Variants in CEP97 observed in about 807,000 individuals in gnomAD.
CEP97 encodes the protein centrosomal protein of 97 kDa.
In CEP97, 43 loss-of-function variants were observed where a neutral mutation model predicts 73.1. The observed-to-expected ratio is 0.59, with a 90% CI of 0.46 to 0.76. The LOEUF (loss-of-function observed/expected upper bound fraction) is 0.76, where lower values mean the gene tolerates loss of function less well. CEP97 is among the 30% of genes least tolerant of loss of function. The pLI is 0.00. For synonymous variants in CEP97, 337 were observed against 370.0 expected, an observed-to-expected ratio of 0.91 and a Z score of 1.02; for missense variants, 939 against 1,014.0, an observed-to-expected ratio of 0.93 and a Z score of 1.00.
Position 101,731,957 on chromosome 3 carries a change from A to G in CEP97, c.561+4A>G. ...TGAAATCCGAGACTTAAATGAGGTAAAATTTGAGGGTATTTTGTGAGATTC... is the reference window on the plus strand; with the variant it reads ...TGAAATCCGAGACTTAAATGAGGTAGAATTTGAGGGTATTTTGTGAGATTC... On this transcript the variant is annotated splice_donor_region_variant and intron_variant, in intron 5 of 10. Transcript: ENST00000341893. 6.7e-7 allele frequency: 1 copy of G among 1,499,674 alleles called. No individual in the cohort carries two copies. The highest frequency in any genetic ancestry group is 1.1e-5 in the South Asian group (1 of 88,406). 92.9% of individuals were successfully genotyped at this position (1,499,674 alleles called of 1,614,324 possible). A position where few individuals can be genotyped will look rare whatever the true frequency, so the allele number is the denominator to read the frequency against.
rs1031894296 is a variant in CEP97 at position 101,768,300 on chromosome 3, G to A, written c.*2749G>A. The A allele has an allele frequency of 6.6e-6, 1 of 152,292 alleles. No individual in the cohort carries two copies. The highest frequency in any genetic ancestry group is 2.4e-5 in the African/African-American group (1 of 41,574). The allele number at this position is 152,292 out of a possible 1,614,324, so 9.4% of individuals were successfully genotyped here. ...ATAAACTGAAAACCTATATGCTACT[G>A]TAGTCCAAAATTTTATTATGTCCTC... On this transcript the variant is annotated 3_prime_UTR_variant, in exon 11 of 11. Coordinates refer to ENST00000341893, the MANE Select transcript of CEP97 (RefSeq NM_024548.4).
chr3:101,745,990 G>A (rs1938602448), intron 6 of CEP97, among the ~76,000 whole-genome samples: 2 of 152,152 alleles, frequency 1.3e-5, no homozygotes, highest in South Asian at 4.1e-4. Context: ...CCACCTATGA[G>A]TGAGAATATG....
rs1049652023 is a variant in CEP97, at chr3:101,769,278, A to G, written c.*3727A>G. Reference sequence around the variant, plus strand: ...GTAAAAAGAAAAAAATAGAATGAATATGATCATTTCTCCATCATAAAGGAA... The same window carrying G: ...GTAAAAAGAAAAAAATAGAATGAATGTGATCATTTCTCCATCATAAAGGAA... On this transcript the variant is annotated 3_prime_UTR_variant, in exon 11 of 11. Coordinates refer to ENST00000341893, the MANE Select transcript of CEP97 (RefSeq NM_024548.4). 5 of 151,666 alleles carry G rather than the reference A, an allele frequency of 3.3e-5. No homozygotes were observed. Among genetic ancestry groups the G allele is most frequent in the East Asian group, 1.9e-4 (1 of 5,196 alleles). The allele number at this position is 151,666 out of a possible 1,614,324, so 9.4% of individuals were successfully genotyped here.
Position 101,762,580 on chromosome 3 carries a change from T to G in CEP97, c.1893+20T>G, listed in dbSNP as rs1200212046. On this transcript the variant is annotated intron_variant, in intron 10 of 10. Transcript: ENST00000341893. ...AACCAGGTAAACTCCCTCCTGCTGA[T>G]TTACCTCATATATGATCAAATACAG... The G allele has an allele frequency of 2.6e-6, 4 of 1,565,652 alleles. No homozygotes were observed. Among genetic ancestry groups the G allele is most frequent in the Non-Finnish European group, 3.5e-6 (4 of 1,141,000 alleles).
intron 9 of CEP97, 170 bp downstream of exon 9, chr3:101,758,593 C>G: frequency 2.1e-5 from 14 of 682,494 alleles, no homozygotes; most frequent in South Asian, 3.9e-5. Context: ...AGAGCAGACA[C>G]TATCTGCTCT....
intron 4 of CEP97, among the ~76,000 whole-genome samples, 154 bp from the exon 5 acceptor site, chr3:101,731,686 C>T (rs557415699): frequency 2.0e-5 from 3 of 152,074 alleles, no homozygotes; most frequent in Non-Finnish European, 4.4e-5. Flanking sequence ...TCATCAAGGA[C>T]CCTTGTAGCA....
intron 10 of CEP97, chr3:101,763,112 T>C (rs1576702655): frequency 1.7e-6 from 2 of 1,190,864 alleles, no homozygotes; most frequent in Admixed American, 2.4e-5. Context: ...TTTATAGAAA[T>C]GGGGTCTTGC....
intron 10 of CEP97, among the ~76,000 whole-genome samples, chr3:101,764,229 G>A (rs9681946): frequency 0.049 from 7,479 of 152,288 alleles, 650 homozygotes; most frequent in African/African-American, 0.17. Context: ...CACTTGGGAG[G>A]CCAAGGCAGA....
chr3:101,759,521 C>T (rs1939112796), intron 9 of CEP97: 1 of 152,258 alleles, frequency 6.6e-6, no homozygotes. Context: ...CTCCATGGCC[C>T]AGGACCCAGG....
chr3:101,750,899 T>G (rs531053131), intron 6 of CEP97, among the ~76,000 whole-genome samples: 23 of 152,342 alleles, frequency 1.5e-4, no homozygotes, highest in African/African-American at 5.1e-4. Context: ...GGGTTTTTTG[T>G]GTCTCTATTT....
Position 101,765,461 on chromosome 3 carries a change from A to T in CEP97, c.2508A>T (p.Gln836His). 1.2e-6 allele frequency: 2 copies of T among 1,614,196 alleles called. No homozygotes were observed. Among genetic ancestry groups the T allele is most frequent in the Non-Finnish European group, 1.7e-6 (2 of 1,180,026 alleles). ...TGCAAGGTGAAATTAGCCAGACACAAGAGAATTCTAAATTAAATGCAGAAG... is the reference window on the plus strand; with the variant it reads ...TGCAAGGTGAAATTAGCCAGACACATGAGAATTCTAAATTAAATGCAGAAG... ...PPLQGEISQT[Q>H]ENSKLNAEVQ... Residue 836 changes from glutamine (Q) to histidine (H), a missense_variant, in exon 11 of 11, where the codon CAA (glutamine) becomes CAT (histidine). Gln to His is a conservative substitution (Grantham distance 24). Coordinates refer to ENST00000341893, the MANE Select transcript of CEP97 (RefSeq NM_024548.4).
chr3:101,757,645 C>T lies in CEP97; in HGVS notation c.1039C>T (p.Gln347Ter), dbSNP rs1327313620. Residue 347 changes from glutamine to a stop codon, truncating the protein, a stop_gained, in exon 9 of 11, where the codon CAA becomes TAA. Coordinates refer to ENST00000341893, the MANE Select transcript of CEP97 (RefSeq NM_024548.4). LOFTEE classifies it high-confidence loss of function. ...GTTGATTCTTCTAGAACCCGTCATTCAAGTGAATTCTTGGGTTGGGATAAA... is the reference window on the plus strand; with the variant it reads ...GTTGATTCTTCTAGAACCCGTCATTTAAGTGAATTCTTGGGTTGGGATAAA... The part of the protein sequence containing the change: ...QISQESEPVI[Q>*]VNSWVGINSN... The T allele has an allele frequency of 3.1e-6, 5 of 1,612,002 alleles. No homozygotes were observed. Among genetic ancestry groups the T allele is most frequent in the Non-Finnish European group, 4.2e-6 (5 of 1,178,474 alleles).
chr3:101,728,569 T>C (rs1244025283), intron 3 of CEP97, among the ~76,000 whole-genome samples: 1 of 152,120 alleles, frequency 6.6e-6, no homozygotes, highest in Non-Finnish European at 1.5e-5. Flanking sequence ...TGGCCATTAC[T>C]ATGTTTTTTT....
At chr3:101,746,015 T>C (rs1374430541) in intron 6 of CEP97, among the ~76,000 whole-genome samples, 1 of 152,186 alleles carries the variant, frequency 6.6e-6, no homozygotes, top group Non-Finnish European at 1.5e-5. Context: ...GTTTGGTTTT[T>C]TGTTCTTGTG....
At chr3:101,754,799 C>T (rs1367296188) in intron 6 of CEP97, among the ~76,000 whole-genome samples, 2 of 152,046 alleles carry the variant, frequency 1.3e-5, no homozygotes, top group Admixed American at 1.3e-4. Context: ...ATTATCTGCT[C>T]ATTTTACCAA....
intron 9 of CEP97, among the ~76,000 whole-genome samples, chr3:101,760,995 TG>T (rs1274646006): frequency 6.6e-6 from 1 of 152,046 alleles, no homozygotes; most frequent in Non-Finnish European, 1.5e-5. Flanking sequence ...CCCGAGTAGC[TG>T]GGATTACAGG....
At chr3:101,727,638 C>A in intron 3 of CEP97, 97 bp downstream of exon 3, 1 of 980,232 alleles carries the variant, frequency 1.0e-6, no homozygotes, top group Non-Finnish European at 1.5e-6. Context: ...GTACCCACTC[C>A]CACTCTCCAG....
intron 10 of CEP97, among the ~76,000 whole-genome samples, chr3:101,764,208 C>T (rs753933822): frequency 1.3e-5 from 2 of 152,250 alleles, no homozygotes; most frequent in African/African-American, 2.4e-5. Context: ...GGCTTGTGCC[C>T]GTAATCCCAG....
chr3:101,762,439 C>T, intron 9 of CEP97, 46 bp from the exon 10 acceptor site: 1 of 1,283,194 alleles, frequency 7.8e-7, no homozygotes, highest in Non-Finnish European at 1.1e-6. Flanking sequence ...AAGTCTGAGT[C>T]AAAGCACCCT....
Sources: allele counts gnomAD v4.1 joint callset (sites outside exome capture counted in the v4.1 genomes callset), GRCh38; gene constraint gnomAD v4.1.1; transcripts MANE v1.5; gene names NCBI Gene and HGNC (gene_info 2026-07-23, HGNC 2026-07-21).